TESC: variants seen among roughly 807,000 people sequenced by gnomAD.
TESC encodes calcineurin B homologous protein 3.
In TESC, 19 loss-of-function variants were observed where a neutral mutation model predicts 31.0. That is an observed-to-expected ratio of 0.61 (90% confidence interval 0.43 to 0.90). The LOEUF is 0.90. Ranked by LOEUF, TESC falls within the 40% of genes least tolerant of loss-of-function variation. TESC has a pLI of 0.00. For missense variants in TESC, 248 were observed against 303.8 expected, an observed-to-expected ratio of 0.82 and a Z score of 1.36; for synonymous variants, 109 against 114.8, an observed-to-expected ratio of 0.95 and a Z score of 0.32.
intron 1 of TESC, among the ~76,000 whole-genome samples, chr12:117,087,573 A>C (rs759998862): frequency 1.1e-4 from 16 of 152,240 alleles, no homozygotes; most frequent in Non-Finnish European, 2.1e-4. Context: ...GAAAGCTGTC[A>C]GAGTGGGTGC....
intron 7 of TESC, among the ~76,000 whole-genome samples, chr12:117,039,757 T>C (rs1393249478): frequency 6.6e-6 from 1 of 152,224 alleles, no homozygotes; most frequent in Non-Finnish European, 1.5e-5. Context: ...ACGTGCATTC[T>C]AGAAAGACAA....
At chr12:117,058,689 G>A (rs114600787) in intron 2 of TESC, among the ~76,000 whole-genome samples, 2,279 of 149,740 alleles carry the variant, frequency 0.015, 28 homozygotes, top group South Asian at 0.034. Context: ...GTTACAGTGA[G>A]CTATGATGGT....
At chr12:117,083,278 C>T (rs1013929529) in intron 1 of TESC, among the ~76,000 whole-genome samples, 2 of 152,142 alleles carry the variant, frequency 1.3e-5, no homozygotes, top group Non-Finnish European at 2.9e-5. Flanking sequence ...GGGGTTTCAC[C>T]GTTTTAGCTG....
chr12:117,069,385 C>T (rs1215414011), intron 2 of TESC, among the ~76,000 whole-genome samples: 1 of 152,124 alleles, frequency 6.6e-6, no homozygotes, highest in African/African-American at 2.4e-5. Context: ...ATTACAAGCA[C>T]ACACCACCAC....
intron 1 of TESC, among the ~76,000 whole-genome samples, chr12:117,079,137 GTGTTT>G (rs1267247346): frequency 1.3e-5 from 2 of 152,186 alleles, no homozygotes; most frequent in African/African-American, 4.8e-5. Context: ...ATGTAGTTCT[GTGTTT>G]TGTTTTCTTT....
chr12:117,068,865 T>C (rs1954923621), intron 2 of TESC, among the ~76,000 whole-genome samples: 1 of 152,202 alleles, frequency 6.6e-6, no homozygotes, highest in Non-Finnish European at 1.5e-5. Context: ...CAGCGTGCTA[T>C]CAGGAAATTA....
chr12:117,040,808 G>A (rs1208346255), intron 7 of TESC, among the ~76,000 whole-genome samples: 6 of 152,180 alleles, frequency 3.9e-5, no homozygotes, highest in South Asian at 2.1e-4. Flanking sequence ...GGTTCTAACC[G>A]TTGGCTGCCA....
At position 117,090,346 on chromosome 12, in the gene TESC, G is replaced by A. The variant is rs147589423; in HGVS notation, c.58+8879C>T. Among the ~76,000 whole-genome samples, 711 of 152,244 alleles carry A rather than the reference G, an allele frequency of 4.7e-3. 4 individuals carry two copies. Among genetic ancestry groups the A allele is most frequent in the African/African-American group, 0.016 (664 of 41,528 alleles). On this transcript the variant is annotated intron_variant, in intron 1 of 7. Transcript: ENST00000335209. ...AGGGCAGAGATGGTGATTAAGTTTA[G>A]GCATGTCCAAGATAGCAGACATATA...
chr12:117,048,820 AAT>A, intron 4 of TESC, 197 bp downstream of exon 4: 1 of 813,270 alleles, frequency 1.2e-6, no homozygotes, highest in East Asian at 2.7e-5. Flanking sequence ...GCTGCTGAGG[AAT>A]GTTTAGGATG....
chr12:117,064,390 T>C (rs1954843277), intron 2 of TESC, among the ~76,000 whole-genome samples: 1 of 152,188 alleles, frequency 6.6e-6, no homozygotes, highest in Non-Finnish European at 1.5e-5. Context: ...AAATGCCTCT[T>C]TGAAAAGCTG....
At chr12:117,049,807 G>A (rs1279418344) in intron 3 of TESC, among the ~76,000 whole-genome samples, 10 of 151,016 alleles carry the variant, frequency 6.6e-5, no homozygotes, top group South Asian at 4.2e-4. Context: ...AGGCTGAGGC[G>A]AGAGAATCGC....
chr12:117,066,200 CTTT>C (rs58829406), intron 2 of TESC, among the ~76,000 whole-genome samples: 59 of 62,976 alleles, frequency 9.4e-4, no homozygotes, highest in African/African-American at 4.0e-3. Context: ...CTTCCTTTAG[CTTT>C]TTTTTTTTTT....
chr12:117,056,979 G>T, intron 2 of TESC, 93 bp from the exon 3 acceptor site: 1 of 1,287,178 alleles, frequency 7.8e-7, no homozygotes, highest in Non-Finnish European at 1.1e-6. Flanking sequence ...CTGTATTTTG[G>T]ATCCCTAACA....
chr12:117,056,067 T>G (rs1954718740), intron 3 of TESC, among the ~76,000 whole-genome samples: 1 of 152,062 alleles, frequency 6.6e-6, no homozygotes, highest in African/African-American at 2.4e-5. Flanking sequence ...ATTACAGATG[T>G]GTACCACCAC....
chr12:117,077,911 A>G (rs1955095302), intron 1 of TESC, among the ~76,000 whole-genome samples: 1 of 152,130 alleles, frequency 6.6e-6, no homozygotes, highest in African/African-American at 2.4e-5. Context: ...TGTATGCTTG[A>G]GTGATGCACT....
chr12:117,064,627 A>G (rs1954848253), intron 2 of TESC, among the ~76,000 whole-genome samples: 2 of 152,236 alleles, frequency 1.3e-5, no homozygotes, highest in South Asian at 2.1e-4. Context: ...GAGCACAAAA[A>G]AGATGGGAAA....
In TESC at chr12:117,087,757, C is replaced by T. The variant is rs116586348; in HGVS notation, c.58+11468G>A. 4.7e-3 allele frequency among the ~76,000 whole-genome samples: 716 copies of T among 152,284 alleles called. 8 individuals are homozygous for T. The highest frequency in any genetic ancestry group is 0.017 in the African/African-American group (688 of 41,550). The stretch of plus-strand genomic sequence containing the variant: ...ACTTGGGAGGCTGAGGCAGGAGAAT[C>T]GCTTGAACCTGGGAGGTGGAGGTTG... On this transcript the variant is annotated intron_variant, in intron 1 of 7. Coordinates refer to ENST00000335209, the MANE Select transcript of TESC (RefSeq NM_017899.4).
At chr12:117,069,005 G>A (rs926017146) in intron 2 of TESC, among the ~76,000 whole-genome samples, 6 of 152,272 alleles carry the variant, frequency 3.9e-5, no homozygotes, top group Non-Finnish European at 5.9e-5. Context: ...TGTGGAGGTC[G>A]CCTCTGCTAG....
intron 2 of TESC, among the ~76,000 whole-genome samples, chr12:117,067,597 A>G (rs1287736780): frequency 1.3e-5 from 2 of 152,174 alleles, no homozygotes; most frequent in Non-Finnish European, 2.9e-5. Context: ...TGGTCATATC[A>G]TAGACAGGTT....
Sources: allele counts gnomAD v4.1 joint callset (sites outside exome capture counted in the v4.1 genomes callset), GRCh38; gene constraint gnomAD v4.1.1; transcripts MANE v1.5; gene names NCBI Gene and HGNC (gene_info 2026-07-23, HGNC 2026-07-21).